Variants in CUX2 observed in about 807,000 individuals in gnomAD.
CUX2 encodes the protein cut like homeobox 2.
CUX2 carries 40 observed loss-of-function variants against 144.8 expected under a neutral mutation model. That is an observed-to-expected ratio of 0.28 (90% CI 0.21 to 0.36). The LOEUF (loss-of-function observed/expected upper bound fraction) is 0.36. CUX2 is among the 10% of genes least tolerant of loss of function. CUX2 has a pLI of 1.00. For synonymous variants in CUX2, 827 were observed against 875.6 expected (o/e 0.94, Z 0.98); for missense variants, 1,615 against 1,994.0 (o/e 0.81, Z 3.62).
intron 1 of CUX2, among the ~76,000 whole-genome samples, chr12:111,200,995 G>C (rs915737399): frequency 1.3e-5 from 2 of 152,146 alleles, no homozygotes; most frequent in African/African-American, 4.8e-5. Flanking sequence ...TGGGGCAGGG[G>C]GAGGTCAGGC....
intron 1 of CUX2, among the ~76,000 whole-genome samples, chr12:111,132,584 T>G (rs1489541314): frequency 9.7e-5 from 13 of 134,686 alleles, no homozygotes; most frequent in Non-Finnish European, 1.8e-4. Flanking sequence ...TTTTTTTTTT[T>G]GAGACAGAGT....
At position 111,307,754 on chromosome 12, in the gene CUX2, G is replaced by C. The variant is rs1306692597; in HGVS notation, c.1109+497G>C. On this transcript the variant is annotated intron_variant, in intron 12 of 21. Coordinates refer to ENST00000261726, the MANE Select transcript of CUX2 (RefSeq NM_015267.4). The surrounding 1 kb of genome is among the most constrained non-coding windows in gnomAD (Gnocchi z 4.1). ...CTTTTCCATTAAGAGCTGCCTGTAC[G>C]GGCAGATCACCTGAGGTCAGGAGTT... Among the ~76,000 whole-genome samples the C allele has an allele frequency of 6.6e-6, 1 of 151,908 alleles. No homozygotes were observed. Among genetic ancestry groups the C allele is most frequent in the Non-Finnish European group, 1.5e-5 (1 of 67,982 alleles).
intron 21 of CUX2, among the ~76,000 whole-genome samples, chr12:111,345,624 C>G (rs1888766174): frequency 6.6e-6 from 1 of 151,644 alleles, no homozygotes; most frequent in Non-Finnish European, 1.5e-5. Flanking sequence ...CGCCTGTAGT[C>G]CCAGCTACTC....
At chr12:111,113,406 G>A (rs1874102379) in intron 1 of CUX2, among the ~76,000 whole-genome samples, 1 of 151,580 alleles carries the variant, frequency 6.6e-6, no homozygotes, top group African/African-American at 2.4e-5. Flanking sequence ...AAATTTCCTT[G>A]TTGCTGCTCC....
intron 1 of CUX2, among the ~76,000 whole-genome samples, chr12:111,156,720 G>A (rs1877394697): frequency 1.3e-5 from 2 of 152,284 alleles, no homozygotes; most frequent in South Asian, 4.1e-4. Flanking sequence ...GCTCACGCCT[G>A]TAATCCCAGC....
intron 18 of CUX2, among the ~76,000 whole-genome samples, chr12:111,330,353 G>A (rs1168511123): frequency 1.3e-5 from 2 of 152,092 alleles, no homozygotes; most frequent in East Asian, 3.9e-4. Context: ...CCTTCAAGGG[G>A]CTCACAGTTG....
chr12:111,081,226 C>T (rs923970857), intron 1 of CUX2, among the ~76,000 whole-genome samples: 1 of 152,126 alleles, frequency 6.6e-6, no homozygotes, highest in Non-Finnish European at 1.5e-5. Flanking sequence ...TTACAAACAC[C>T]CCTCTGGGAG....
At chr12:111,198,527 GCT>G (rs1318147193) in intron 1 of CUX2, among the ~76,000 whole-genome samples, 4 of 151,580 alleles carry the variant, frequency 2.6e-5, no homozygotes, top group Non-Finnish European at 4.4e-5. Context: ...TGGCCTAGAT[GCT>G]GGAGCTATGG....
At position 111,186,782 on chromosome 12, in the gene CUX2, G is replaced by T. The variant is rs191285571; in HGVS notation, c.64-27418G>T. Among the ~76,000 whole-genome samples, 2 of 146,078 alleles carry T rather than the reference G, an allele frequency of 1.4e-5. No homozygotes were observed. Among genetic ancestry groups the T allele is most frequent in the Non-Finnish European group, 3.0e-5 (2 of 66,058 alleles). On this transcript the variant is annotated intron_variant, in intron 1 of 21. Transcript: ENST00000261726. The surrounding 1 kb of genome is among the most constrained non-coding windows in gnomAD (Gnocchi z 4.4). Reference sequence around the variant, plus strand: ...ATTAAAATCGATATGATGTGTGTATGTTTTTTTTTTTTTTGAGACAGAATT... The same window carrying T: ...ATTAAAATCGATATGATGTGTGTATTTTTTTTTTTTTTTTGAGACAGAATT...
chr12:111,121,573 G>T (rs1442224395), intron 1 of CUX2, among the ~76,000 whole-genome samples: 1 of 151,592 alleles, frequency 6.6e-6, no homozygotes, highest in Non-Finnish European at 1.5e-5. Context: ...TGTTGGCCAG[G>T]CTGGTCTCGA....
intron 1 of CUX2, among the ~76,000 whole-genome samples, chr12:111,191,757 G>C (rs1278235788): frequency 6.6e-6 from 1 of 152,110 alleles, no homozygotes; most frequent in Non-Finnish European, 1.5e-5. Context: ...TGTTCCTCTT[G>C]CCTGGAGTGT....
chr12:111,046,882 C>T (rs955995583), intron 1 of CUX2, among the ~76,000 whole-genome samples: 3 of 152,218 alleles, frequency 2.0e-5, no homozygotes, highest in South Asian at 2.1e-4. Context: ...GTCTTGAATT[C>T]GTGACCTCAT....
At chr12:111,283,096 T>C (rs184738795) in intron 4 of CUX2, among the ~76,000 whole-genome samples, 1 of 152,036 alleles carries the variant, frequency 6.6e-6, no homozygotes, top group African/African-American at 2.4e-5. Context: ...CGCATGCCTG[T>C]AATCTCATCT....
chr12:111,160,936 G>A lies in CUX2; in HGVS notation c.64-53264G>A, dbSNP rs936128650. On this transcript the variant is annotated intron_variant, in intron 1 of 21. Coordinates refer to ENST00000261726, the MANE Select transcript of CUX2 (RefSeq NM_015267.4). This position sits in a 1 kb window ranked among gnomAD's most constrained non-coding sequence, Gnocchi z 4.1. ...GAGGAATAGCGGGAGCAGATGGGAC[G>A]TGAGAGTGCAGAGTTCCCTTTTGGC... Among the ~76,000 whole-genome samples the A allele has an allele frequency of 2.4e-4, 37 of 152,180 alleles. No homozygotes were observed. Among genetic ancestry groups the A allele is most frequent in the African/African-American group, 7.7e-4 (32 of 41,428 alleles).
intron 1 of CUX2, among the ~76,000 whole-genome samples, chr12:111,157,965 G>GT (rs1877504917): frequency 6.6e-6 from 1 of 152,130 alleles, no homozygotes. Context: ...ACCTGAAATT[G>GT]TTTAGGAATC....
chr12:111,202,894 G>A (rs971416451), intron 1 of CUX2, among the ~76,000 whole-genome samples: 8 of 152,092 alleles, frequency 5.3e-5, no homozygotes, highest in African/African-American at 1.9e-4. Context: ...AGAGGGAGCA[G>A]CCAGTGCAAA....
intron 1 of CUX2, among the ~76,000 whole-genome samples, chr12:111,065,245 A>G (rs1321692504): frequency 1.3e-5 from 2 of 152,280 alleles, no homozygotes; most frequent in African/African-American, 4.8e-5. Context: ...AAAAGCAGTG[A>G]TAAACAAGAA....
intron 6 of CUX2, among the ~76,000 whole-genome samples, chr12:111,294,585 CAAAAAAAAAA>C (rs35222521): frequency 1.0e-5 from 1 of 100,036 alleles, no homozygotes; most frequent in African/African-American, 3.0e-5. Flanking sequence ...CCTATCTTTT[CAAAAAAAAAA>C]AAAAAAAAGA....
intron 4 of CUX2, among the ~76,000 whole-genome samples, chr12:111,281,308 T>C (rs999496949): frequency 6.6e-6 from 1 of 152,100 alleles, no homozygotes; most frequent in Non-Finnish European, 1.5e-5. Context: ...CCACCAGCCT[T>C]TTGCACAAGC....
Sources: gnomAD v4.1 joint callset for allele counts (sites outside exome capture counted in the v4.1 genomes callset) on GRCh38, gnomAD v4.1.1 for gene constraint, Gnocchi (gnomAD v3.1) non-coding constraint, MANE v1.5 for transcripts, NCBI Gene and HGNC (gene_info 2026-07-23, HGNC 2026-07-21) for gene names.